BRSK2: variants seen among roughly 807,000 people sequenced by gnomAD.
The protein encoded by BRSK2 is serine/threonine-protein kinase BRSK2.
BRSK2 carries 19 observed loss-of-function variants against 83.3 expected under a neutral mutation model. The ratio of observed to expected loss-of-function variants is 0.23; its 90% CI spans 0.16 to 0.33. BRSK2 has a LOEUF of 0.33. BRSK2 is among the 10% of genes least tolerant of loss of function. BRSK2 has a pLI of 1.00. For synonymous variants in BRSK2, 519 were observed against 435.4 expected (o/e 1.19, Z -2.39); for missense variants, 798 against 1,042.3 (o/e 0.77, Z 3.23).
chr11:1,402,879 A>G (rs1846585368), intron 1 of BRSK2, among the ~76,000 whole-genome samples: 1 of 152,058 alleles, frequency 6.6e-6, no homozygotes, highest in South Asian at 2.1e-4. Flanking sequence ...CTCTGAGGAG[A>G]TGGAGGGCTC....
chr11:1,412,631 G>A (rs939736682), intron 1 of BRSK2, among the ~76,000 whole-genome samples: 1 of 152,218 alleles, frequency 6.6e-6, no homozygotes, highest in Admixed American at 6.5e-5. Context: ...CGGGGAGGGC[G>A]TCCAGTGGTG....
chr11:1,447,937 C>T (rs914423379), intron 12 of BRSK2: 3 of 1,414,844 alleles, frequency 2.1e-6, no homozygotes, highest in African/African-American at 1.4e-5. Context: ...CGGGCAGGCA[C>T]ATGGGCGGGT....
At chr11:1,404,585 G>A (rs1210361498) in intron 1 of BRSK2, among the ~76,000 whole-genome samples, 1 of 152,206 alleles carries the variant, frequency 6.6e-6, no homozygotes, top group African/African-American at 2.4e-5. Context: ...AGCCTTGGGA[G>A]GGCAGAGGGG....
chr11:1,424,126 A>AC (rs1848933008), intron 1 of BRSK2, among the ~76,000 whole-genome samples: 1 of 151,578 alleles, frequency 6.6e-6, no homozygotes, highest in African/African-American at 2.4e-5. Flanking sequence ...TCACCATTCC[A>AC]CCCCCACATC....
chr11:1,420,018 G>A lies in BRSK2; in HGVS notation c.92-16022G>A, dbSNP rs573081372. On this transcript the variant is annotated intron_variant, in intron 1 of 19. Coordinates refer to ENST00000528841, the MANE Select transcript of BRSK2 (RefSeq NM_001256627.2). ...TCCTCCCACACCCGGGCACGTGGTC[G>A]TTCGTCTCCAAGGAAGCCTGGTTGA... is the stretch of plus-strand genomic sequence containing the variant. 7.9e-5 allele frequency among the ~76,000 whole-genome samples: 12 copies of A among 152,352 alleles called. No homozygotes were observed. The South Asian group carries it at 1.2e-3, about 16-fold the overall frequency.
rs190095220 is a variant in BRSK2 at position 1,438,873 on chromosome 11, C to T, written c.272+482C>T. Among the ~76,000 whole-genome samples the T allele has an allele frequency of 1.3e-3, 199 of 152,302 alleles. No homozygotes were observed. The highest frequency in any genetic ancestry group is 4.6e-3 in the African/African-American group (191 of 41,564). Reference sequence around the variant, plus strand: ...TGAGTGTGGCTGAAAGTGTCACCTCCGCAGCCGCTGAGGCCAGCAGAAATC... The same window carrying T: ...TGAGTGTGGCTGAAAGTGTCACCTCTGCAGCCGCTGAGGCCAGCAGAAATC... On this transcript the variant is annotated intron_variant, in intron 3 of 19. Transcript: ENST00000528841. The surrounding 1 kb of genome is among the most constrained non-coding windows in gnomAD (Gnocchi z 6.4).
At chr11:1,413,140 A>G (rs1363201321) in intron 1 of BRSK2, among the ~76,000 whole-genome samples, 5 of 152,096 alleles carry the variant, frequency 3.3e-5, no homozygotes, top group Admixed American at 2.0e-4. Flanking sequence ...CTCAGACCTA[A>G]GCCAGGATCT....
At position 1,461,139 on chromosome 11, in the gene BRSK2, C is replaced by G; in HGVS notation, c.*416C>G. On this transcript the variant is annotated 3_prime_UTR_variant, in exon 20 of 20. Transcript: ENST00000528841. ...AGCTCCTCGCCTCAGCTCCGCACGG[C>G]CCGTGGGAGGAAGGCCAGGCTCGGG... 1 of 1,207,936 alleles carries G rather than the reference C, an allele frequency of 8.3e-7. No homozygotes were observed. The highest frequency in any genetic ancestry group is 1.1e-6 in the Non-Finnish European group (1 of 883,498). 74.8% of individuals were successfully genotyped at this position (1,207,936 alleles called of 1,614,324 possible). A position where few individuals can be genotyped will look rare whatever the true frequency, so the allele number is the denominator to read the frequency against.
chr11:1,396,937 G>A (rs1418212824), intron 1 of BRSK2, among the ~76,000 whole-genome samples: 4 of 152,240 alleles, frequency 2.6e-5, no homozygotes, highest in African/African-American at 4.8e-5. Flanking sequence ...GCCCCTGAGT[G>A]TAGAATGGGG....
chr11:1,404,977 C>T (rs957383641), intron 1 of BRSK2, among the ~76,000 whole-genome samples: 2 of 19,506 alleles, frequency 1.0e-4, no homozygotes, highest in Admixed American at 8.0e-4. Flanking sequence ...GGCAGGCGGG[C>T]GTGCAGGCCT....
chr11:1,448,083 C>G lies in BRSK2; in HGVS notation c.1227-1693C>G, dbSNP rs541215484. On this transcript the variant is annotated intron_variant, in intron 12 of 19. Transcript: ENST00000528841. ...TGGCCCACGCCTGCCTGTGAGGGAC[C>G]ACGCACCATGGCTTACAGGGCCTGG... 1.3e-4 allele frequency among the ~76,000 whole-genome samples: 20 copies of G among 152,286 alleles called. No individual in the cohort carries two copies. In the South Asian group the frequency reaches 3.7e-3, roughly 28 times the overall value.
Position 1,390,443 on chromosome 11 carries a change from C to A in BRSK2, c.91+68C>A, listed in dbSNP as rs1031983374. The stretch of plus-strand genomic sequence containing the variant: ...CTGGCAGCGCGCTGGGTGGGGGGCG[C>A]CCGAGGGAGGCCCCGGCCGCGAAGC... On this transcript the variant is annotated intron_variant, in intron 1 of 19. Coordinates refer to ENST00000528841, the MANE Select transcript of BRSK2 (RefSeq NM_001256627.2). The surrounding 1 kb of genome is among the most constrained non-coding windows in gnomAD (Gnocchi z 6.8). 4.4e-6 allele frequency: 4 copies of A among 906,406 alleles called. No individual in the cohort carries two copies. Among genetic ancestry groups the A allele is most frequent in the Non-Finnish European group, 5.3e-6 (4 of 753,536 alleles). 56.1% of individuals were successfully genotyped at this position (906,406 alleles called of 1,614,324 possible). A position where few individuals can be genotyped will look rare whatever the true frequency, so the allele number is the denominator to read the frequency against.
chr11:1,439,750 C>T (rs1405381460), intron 3 of BRSK2, among the ~76,000 whole-genome samples: 2 of 151,702 alleles, frequency 1.3e-5, no homozygotes, highest in South Asian at 2.1e-4. Flanking sequence ...CTTCCCCTGC[C>T]CTGAGGGCTT....
At chr11:1,408,614 G>T (rs770319474) in intron 1 of BRSK2, among the ~76,000 whole-genome samples, 1 of 152,174 alleles carries the variant, frequency 6.6e-6, no homozygotes, top group Non-Finnish European at 1.5e-5. Flanking sequence ...GGAATTCATC[G>T]CAGACCCTCA....
intron 2 of BRSK2, among the ~76,000 whole-genome samples, chr11:1,436,914 T>G (rs779632184): frequency 6.6e-6 from 1 of 151,122 alleles, no homozygotes; most frequent in African/African-American, 2.4e-5. Context: ...GGTTGGGGAC[T>G]GTGACATGTT....
intron 1 of BRSK2, among the ~76,000 whole-genome samples, chr11:1,416,995 C>T (rs920825279): frequency 5.3e-5 from 8 of 152,062 alleles, no homozygotes; most frequent in Non-Finnish European, 8.8e-5. Context: ...CCCATCTCTA[C>T]TAAAAATACA....
intron 1 of BRSK2, among the ~76,000 whole-genome samples, chr11:1,407,486 C>T (rs1449215502): frequency 6.6e-6 from 1 of 152,260 alleles, no homozygotes; most frequent in East Asian, 1.9e-4. Flanking sequence ...TGCCGCCTGC[C>T]CTGCATGACC....
intron 1 of BRSK2, chr11:1,411,483 A>G (rs1228905954): frequency 1.1e-5 from 16 of 1,480,634 alleles, no homozygotes; most frequent in Non-Finnish European, 1.4e-5. Context: ...CTGCTCCCCA[A>G]GAGAGCCCAG....
In BRSK2 at chr11:1,423,747, C is replaced by T. The variant is rs1161214057; in HGVS notation, c.92-12293C>T. 4.2e-5 allele frequency among the ~76,000 whole-genome samples: 6 copies of T among 143,000 alleles called. No individual in the cohort carries two copies. The highest frequency in any genetic ancestry group is 1.5e-4 in the African/African-American group (6 of 38,722). The allele number at this position is 143,000 out of a possible 152,430, so 93.8% of individuals were successfully genotyped here. A position where few individuals can be genotyped will look rare whatever the true frequency, so the allele number is the denominator to read the frequency against. ...GGTGCCCCAGGCCTCCCCCGCTGGG[C>T]GTTCCGGGTGCCCCAGGCCTCCCCC... On this transcript the variant is annotated intron_variant, in intron 1 of 19. Coordinates refer to ENST00000528841, the MANE Select transcript of BRSK2 (RefSeq NM_001256627.2). This position sits in a 1 kb window ranked among gnomAD's most constrained non-coding sequence, Gnocchi z 6.5.
Sources: allele counts gnomAD v4.1 joint callset (sites outside exome capture counted in the v4.1 genomes callset), GRCh38; gene constraint gnomAD v4.1.1; non-coding constraint Gnocchi (gnomAD v3.1); transcripts MANE v1.5; gene names NCBI Gene and HGNC (gene_info 2026-07-23, HGNC 2026-07-21).